Variants in PIP5K1C observed in about 807,000 individuals in gnomAD.
The protein encoded by PIP5K1C is phosphatidylinositol 4-phosphate 5-kinase type-1 gamma.
Under a neutral mutation model 80.1 loss-of-function variants are expected in PIP5K1C, and 45 were observed. That is an observed-to-expected ratio of 0.56 (90% CI 0.44 to 0.72). The LOEUF (loss-of-function observed/expected upper bound fraction) is 0.72, where lower values mean the gene tolerates loss of function less well. Ranked by LOEUF, PIP5K1C falls within the 30% of genes least tolerant of loss-of-function variation. The probability of loss-of-function intolerance (pLI) is 0.00; values close to 1 mark genes in which losing one functional copy is unlikely to be tolerated. For missense variants in PIP5K1C, 753 were observed against 954.6 expected (o/e 0.79, Z 2.78); for synonymous variants, 498 against 420.1 (o/e 1.19, Z -2.27).
chr19:3,697,206 G>A (rs1432341859), intron 1 of PIP5K1C, among the ~76,000 whole-genome samples: 1 of 150,790 alleles, frequency 6.6e-6, no homozygotes, highest in African/African-American at 2.5e-5. Context: ...GAGCCGGATG[G>A]AGGAGGACTA....
intron 15 of PIP5K1C, among the ~76,000 whole-genome samples, chr19:3,641,129 C>G (rs1184005046): frequency 6.6e-6 from 1 of 151,916 alleles, no homozygotes; most frequent in Non-Finnish European, 1.5e-5. Flanking sequence ...GCAGGAGAAT[C>G]ACTTGAACCT....
intron 16 of PIP5K1C, 38 bp downstream of exon 16, chr19:3,638,846 T>G: frequency 6.2e-7 from 1 of 1,612,028 alleles, no homozygotes; most frequent in Non-Finnish European, 8.5e-7. Context: ...GAGAGTCCGG[T>G]TGACGAGCCG....
intron 1 of PIP5K1C, among the ~76,000 whole-genome samples, chr19:3,683,698 G>C (rs1003780626): frequency 6.6e-6 from 1 of 152,206 alleles, no homozygotes; most frequent in Non-Finnish European, 1.5e-5. Context: ...CAGCAGGGAC[G>C]GGAGGAGAGT....
chr19:3,654,191 T>G (rs1391057172), intron 6 of PIP5K1C, among the ~76,000 whole-genome samples: 1 of 152,242 alleles, frequency 6.6e-6, no homozygotes, highest in African/African-American at 2.4e-5. Context: ...TGTGTTGAAC[T>G]GATCAACTCA....
At chr19:3,656,002 T>C (rs2145460573) in intron 6 of PIP5K1C, among the ~76,000 whole-genome samples, 1 of 152,242 alleles carries the variant, frequency 6.6e-6, no homozygotes, top group Non-Finnish European at 1.5e-5. Flanking sequence ...TGGTGGCCCA[T>C]CCCCCTCCTC....
intron 7 of PIP5K1C, 50 bp downstream of exon 7, chr19:3,653,240 A>G: frequency 6.4e-7 from 1 of 1,565,288 alleles, no homozygotes; most frequent in Non-Finnish European, 8.7e-7. Flanking sequence ...AGCCCTCACC[A>G]CGCAGTCCCA....
chr19:3,653,593 C>T lies in PIP5K1C; in HGVS notation c.622-4G>A. Reference sequence around the variant, plus strand: ...TCCGCGGGTTCTGGTTGAGGTTCTGCCGGGGGAAGAGGGCAAGTCGTGGAG... The same window carrying T: ...TCCGCGGGTTCTGGTTGAGGTTCTGTCGGGGGAAGAGGGCAAGTCGTGGAG... On this transcript the variant is annotated splice_polypyrimidine_tract_variant and splice_region_variant and intron_variant, in intron 6 of 17. Transcript: ENST00000335312. 6.2e-7 allele frequency: 1 copy of T among 1,604,540 alleles called. No homozygotes were observed. Among genetic ancestry groups the T allele is most frequent in the African/African-American group, 1.3e-5 (1 of 74,886 alleles).
intron 1 of PIP5K1C, among the ~76,000 whole-genome samples, chr19:3,689,904 C>T (rs1005074628): frequency 6.6e-6 from 1 of 152,088 alleles, no homozygotes; most frequent in Non-Finnish European, 1.5e-5. Context: ...GATCTCTGTG[C>T]GGGCTGTACA....
At chr19:3,643,739 G>C (rs1005690974) in intron 12 of PIP5K1C, among the ~76,000 whole-genome samples, 1 of 140,538 alleles carries the variant, frequency 7.1e-6, no homozygotes, top group South Asian at 2.4e-4. Context: ...TCCCTCAGCA[G>C]GTGTGGTCCT....
rs1234426716 is a variant in PIP5K1C at position 3,637,829 on chromosome 19, A to G, written c.1920+1055T>C. ...GCTGCCCACCTGGCAGGGCATCAGG[A>G]CACAGACACACAGCACGACATGGCC... On this transcript the variant is annotated intron_variant, in intron 16 of 17. Coordinates refer to ENST00000335312, the MANE Select transcript of PIP5K1C (RefSeq NM_012398.3). The surrounding 1 kb of genome is among the most constrained non-coding windows in gnomAD (Gnocchi z 7.0). The G allele has an allele frequency of 1.0e-5, 16 of 1,535,210 alleles. No individual in the cohort carries two copies. The highest frequency in any genetic ancestry group is 1.4e-5 in the Non-Finnish European group (16 of 1,146,660).
chr19:3,651,830 C>T lies in PIP5K1C; in HGVS notation c.1123G>A (p.Asp375Asn). ...GGCGGCCCCCCGCCCACCTACGTGTCATCCGATTCGATGGCCTCCCCGCGC... is the reference window on the plus strand; with the variant it reads ...GGCGGCCCCCCGCCCACCTACGTGTTATCCGATTCGATGGCCTCCCCGCGC... ...AARGEAIESD[D>N]TMGGIPAVNG... The change falls in exon 8 of 18, where the codon GAC (aspartate) becomes AAC (asparagine). Residue 375 changes from aspartate to asparagine, a missense_variant. This residue lies in a region of PIP5K1C where 114 missense variants were observed against 152.4 expected (regional missense o/e 0.75). Coordinates refer to ENST00000335312, the MANE Select transcript of PIP5K1C (RefSeq NM_012398.3). 6.2e-7 allele frequency: 1 copy of T among 1,611,418 alleles called. No individual in the cohort carries two copies. The highest frequency in any genetic ancestry group is 8.5e-7 in the Non-Finnish European group (1 of 1,179,684).
At chr19:3,679,337 C>T (rs901314446) in intron 1 of PIP5K1C, among the ~76,000 whole-genome samples, 1 of 152,186 alleles carries the variant, frequency 6.6e-6, no homozygotes, top group Non-Finnish European at 1.5e-5. Flanking sequence ...CCTCAGGGGC[C>T]TTGCGCGTGC....
chr19:3,686,410 ACT>A (rs751633919), intron 1 of PIP5K1C, among the ~76,000 whole-genome samples: 5 of 151,036 alleles, frequency 3.3e-5, no homozygotes, highest in Non-Finnish European at 7.4e-5. Flanking sequence ...ACAGAGTGAG[ACT>A]CTGTCTCAAA....
intron 1 of PIP5K1C, among the ~76,000 whole-genome samples, chr19:3,695,455 G>A (rs2036073392): frequency 6.6e-6 from 1 of 152,194 alleles, no homozygotes; most frequent in African/African-American, 2.4e-5. Context: ...ATGCAGCCCA[G>A]GAGAAAGGCA....
rs1005297755 is a variant in PIP5K1C, at chr19:3,696,139, C to T, written c.94+4158G>A. Among the ~76,000 whole-genome samples the T allele has an allele frequency of 2.0e-5, 3 of 152,206 alleles. No individual in the cohort carries two copies. Among genetic ancestry groups the T allele is most frequent in the Non-Finnish European group, 4.4e-5 (3 of 68,032 alleles). Reference sequence around the variant, plus strand: ...CACACTACACTGTGCTCCAGGCAGGCGGGGCCTCTGCTGGGGCCATGCCCT... The same window carrying T: ...CACACTACACTGTGCTCCAGGCAGGTGGGGCCTCTGCTGGGGCCATGCCCT... On this transcript the variant is annotated intron_variant, in intron 1 of 17. Coordinates refer to ENST00000335312, the MANE Select transcript of PIP5K1C (RefSeq NM_012398.3). This position sits in a 1 kb window ranked among gnomAD's most constrained non-coding sequence, Gnocchi z 4.1.
rs369552936 is a variant in PIP5K1C at position 3,637,535 on chromosome 19, C to T, written c.1920+1349G>A. 6.5e-7 allele frequency: 1 copy of T among 1,535,380 alleles called. No individual in the cohort carries two copies. The highest frequency in any genetic ancestry group is 1.2e-5 in the South Asian group (1 of 84,034). ...CAGGGTGGCCGGCTGCGGTCACTTA[C>T]AGTCCCCGAGGCGCTCAGCGTCACG... On this transcript the variant is annotated intron_variant, in intron 16 of 17. Coordinates refer to ENST00000335312, the MANE Select transcript of PIP5K1C (RefSeq NM_012398.3). This position sits in a 1 kb window ranked among gnomAD's most constrained non-coding sequence, Gnocchi z 7.0.
intron 16 of PIP5K1C, among the ~76,000 whole-genome samples, chr19:3,636,162 A>G (rs1014420203): frequency 2.0e-5 from 3 of 152,110 alleles, no homozygotes; most frequent in African/African-American, 7.2e-5. Context: ...GTCTCAAAAA[A>G]TGAAAAAAAA....
intron 1 of PIP5K1C, chr19:3,670,019 G>A (rs1443048077): frequency 1.3e-5 from 2 of 150,468 alleles, no homozygotes; most frequent in African/African-American, 4.9e-5. Context: ...CAGGCAGCAG[G>A]TATGGAGGGG....
intron 1 of PIP5K1C, among the ~76,000 whole-genome samples, chr19:3,672,810 C>T (rs966474497): frequency 6.6e-6 from 1 of 152,152 alleles, no homozygotes; most frequent in Non-Finnish European, 1.5e-5. Flanking sequence ...GCAGGCAGGA[C>T]AGGAACAGTG....
Sources: gnomAD v4.1 joint callset for allele counts (sites outside exome capture counted in the v4.1 genomes callset) on GRCh38, gnomAD v4.1.1 for gene constraint, gnomAD v4.1.1 regional missense constraint, Gnocchi (gnomAD v3.1) non-coding constraint, MANE v1.5 for transcripts, NCBI Gene and HGNC (gene_info 2026-07-23, HGNC 2026-07-21) for gene names.